The following RGS5 variants were observed in gnomAD, a reference collection of about 807,000 sequenced individuals.
The protein encoded by RGS5 is regulator of G protein signaling 5, also known as regulator of G-protein signalling 5.
Under a neutral mutation model 18.9 loss-of-function variants are expected in RGS5, and 20 were observed. The ratio of observed to expected loss-of-function variants is 1.06; its 90% CI spans 0.74 to 1.54. The LOEUF (loss-of-function observed/expected upper bound fraction) is 1.54. Ranked by LOEUF, RGS5 falls within the 40% of genes most tolerant of loss-of-function variation. The pLI is 0.00. For missense variants in RGS5, 201 were observed against 211.8 expected (o/e 0.95, Z 0.32); for synonymous variants, 57 against 76.2 (o/e 0.75, Z 1.31).
At chr1:163,163,097 T>C (rs1657880537) in intron 2 of RGS5, among the ~76,000 whole-genome samples, 1 of 152,112 alleles carries the variant, frequency 6.6e-6, no homozygotes, top group Middle Eastern at 3.2e-3. Context: ...GACAGCTGCT[T>C]GTTCTACTTT....
At chr1:163,282,563 A>G (rs966855390) in intron 2 of RGS5, among the ~76,000 whole-genome samples, 11 of 152,094 alleles carry the variant, frequency 7.2e-5, no homozygotes, top group African/African-American at 2.7e-4. Flanking sequence ...TTTAAAAATT[A>G]GCCAGGCATG....
At chr1:163,281,769 T>A (rs1648997282) in intron 2 of RGS5, among the ~76,000 whole-genome samples, 1 of 152,158 alleles carries the variant, frequency 6.6e-6, no homozygotes, top group Admixed American at 6.5e-5. Context: ...AATCCATGTT[T>A]GTACAGTCAA....
At chr1:163,284,393 C>T (rs957869837) in intron 2 of RGS5, among the ~76,000 whole-genome samples, 5 of 152,178 alleles carry the variant, frequency 3.3e-5, no homozygotes, top group Non-Finnish European at 5.9e-5. Context: ...ATACTGCTCA[C>T]TTATTTAGAT....
In RGS5 at chr1:163,147,147, G is replaced by T. The variant is rs1223297500; in HGVS notation, c.*195C>A. ...AACAGGGCAGGAAGAATTGAGTGGGGAAAGAAGGCCTTCGGACAGTAGATA... is the reference window on the plus strand; with the variant it reads ...AACAGGGCAGGAAGAATTGAGTGGGTAAAGAAGGCCTTCGGACAGTAGATA... On this transcript the variant is annotated 3_prime_UTR_variant, in exon 5 of 5. Transcript: ENST00000313961. The T allele has an allele frequency of 4.7e-6, 2 of 426,108 alleles. No homozygotes were observed. Among genetic ancestry groups the T allele is most frequent in the Admixed American group, 8.7e-5 (2 of 23,120 alleles). 26.4% of individuals were successfully genotyped at this position (426,108 alleles called of 1,614,324 possible).
chr1:163,295,543 G>C (rs1649400765), intron 2 of RGS5, among the ~76,000 whole-genome samples: 1 of 152,110 alleles, frequency 6.6e-6, no homozygotes, highest in Admixed American at 6.6e-5. Flanking sequence ...TTTTAACCTT[G>C]GCCATCTGAT....
intron 3 of RGS5, among the ~76,000 whole-genome samples, chr1:163,161,180 T>C (rs1657783969): frequency 6.6e-6 from 1 of 152,174 alleles, no homozygotes. Context: ...GGGGATTATA[T>C]GTAGAAATCC....
At chr1:163,187,602 G>T (rs1659147841) in intron 1 of RGS5, among the ~76,000 whole-genome samples, 1 of 152,158 alleles carries the variant, frequency 6.6e-6, no homozygotes, top group Non-Finnish European at 1.5e-5. Context: ...CCCAAGAGAA[G>T]TGGGTTCAGG....
intron 2 of RGS5, among the ~76,000 whole-genome samples, chr1:163,296,710 T>A (rs1649426681): frequency 6.6e-6 from 1 of 152,218 alleles, no homozygotes; most frequent in Non-Finnish European, 1.5e-5. Flanking sequence ...CATGGGATAA[T>A]CTACCCACAC....
intron 2 of RGS5, among the ~76,000 whole-genome samples, chr1:163,274,089 C>A (rs1222554861): frequency 6.6e-6 from 1 of 152,128 alleles, no homozygotes; most frequent in East Asian, 1.9e-4. Flanking sequence ...CCCCTGGTTC[C>A]TGACATAGAG....
chr1:163,270,906 G>T (rs1420444014), intron 2 of RGS5, among the ~76,000 whole-genome samples: 2 of 152,044 alleles, frequency 1.3e-5, no homozygotes, highest in African/African-American at 4.8e-5. Flanking sequence ...CAGAGGCCTT[G>T]GTCTTTCCCA....
intron 2 of RGS5, among the ~76,000 whole-genome samples, chr1:163,228,157 G>A (rs1438988491): frequency 6.6e-6 from 1 of 152,206 alleles, no homozygotes; most frequent in Non-Finnish European, 1.5e-5. Context: ...GTCCCCCTGT[G>A]GGACTCTGTG....
chr1:163,272,847 T>G (rs976253376), intron 2 of RGS5, among the ~76,000 whole-genome samples: 1 of 152,144 alleles, frequency 6.6e-6, no homozygotes, highest in Non-Finnish European at 1.5e-5. Context: ...TGATAAGTTT[T>G]GGAATTTGGT....
At chr1:163,254,053 C>T (rs9427077) in intron 2 of RGS5, among the ~76,000 whole-genome samples, 112,418 of 147,644 alleles carry the variant, frequency 0.76, 44,235 homozygotes, top group African/African-American at 0.94. Flanking sequence ...TCTATCATTG[C>T]TGGACATTTG....
chr1:163,250,967 A>G lies in RGS5; in HGVS notation c.-281+55266T>C, dbSNP rs192777236. 3.9e-5 allele frequency among the ~76,000 whole-genome samples: 6 copies of G among 152,332 alleles called. No homozygotes were observed. The East Asian group carries it at 9.6e-4, about 24-fold the overall frequency. ...TTTTGGAGGATTTTAGCAGACATAC[A>G]TGTTTCAAATTTTATGGAACCTTAC... On this transcript the variant is annotated intron_variant, in intron 2 of 5. Transcript: ENST00000618415.
intron 2 of RGS5, among the ~76,000 whole-genome samples, chr1:163,268,332 A>C (rs1648625646): frequency 6.6e-6 from 1 of 152,162 alleles, no homozygotes; most frequent in African/African-American, 2.4e-5. Context: ...GACATACATT[A>C]GAGGTGACTT....
intron 2 of RGS5, among the ~76,000 whole-genome samples, chr1:163,292,378 C>T (rs552307251): frequency 6.4e-4 from 97 of 152,276 alleles, no homozygotes; most frequent in Middle Eastern, 3.4e-3. Flanking sequence ...CATAGTATTC[C>T]GTGGTGTATA....
In RGS5 at chr1:163,288,136, C is replaced by CT. The variant is rs750183833; in HGVS notation, c.-281+18096dup. Among the ~76,000 whole-genome samples the CT allele has an allele frequency of 2.2e-3, 327 of 147,190 alleles. 1 individual carries two copies. Among genetic ancestry groups the CT allele is most frequent in the Middle Eastern group, 3.6e-3 (1 of 280 alleles). ...CCTTTCTTGACCCTGGTACTTTTCA[C>CT]TTTTTTTTTTTTCAGGTAATGGATA... On this transcript the variant is annotated intron_variant, in intron 2 of 5. Transcript: ENST00000618415.
chr1:163,178,967 G>T (rs569681151), intron 1 of RGS5, among the ~76,000 whole-genome samples: 1 of 152,128 alleles, frequency 6.6e-6, no homozygotes, highest in East Asian at 1.9e-4. Context: ...CAAAAGTAAC[G>T]TGTTGAATTG....
At chr1:163,162,082 C>A in intron 2 of RGS5, 106 bp from the exon 3 acceptor site, 1 of 798,600 alleles carries the variant, frequency 1.3e-6, no homozygotes, top group Non-Finnish European at 2.2e-6. Flanking sequence ...AATGATATGA[C>A]TGCTGGTCTA....
Sources: gnomAD v4.1 joint callset for allele counts (sites outside exome capture counted in the v4.1 genomes callset) on GRCh38, gnomAD v4.1.1 for gene constraint, MANE v1.5 for transcripts, NCBI Gene and HGNC (gene_info 2026-07-23, HGNC 2026-07-21) for gene names.